RSPH6A: variants seen among roughly 807,000 people sequenced by gnomAD.
The protein encoded by RSPH6A is radial spoke head protein 6 homolog A.
A neutral mutation model predicts 66.1 loss-of-function variants in RSPH6A; 49 were observed. The observed-to-expected ratio is 0.74, with a 90% CI of 0.59 to 0.94. The LOEUF is 0.94. Among genes scored for constraint, RSPH6A ranks in the 40% least tolerant of loss-of-function variants. The pLI is 0.00. For synonymous variants in RSPH6A, 419 were observed against 402.4 expected, an observed-to-expected ratio of 1.04 and a Z score of -0.49; for missense variants, 977 against 948.3, an observed-to-expected ratio of 1.03 and a Z score of -0.40.
chr19:45,814,865 AGAGT>A lies in RSPH6A; in HGVS notation c.308_311del (p.Tyr103LeufsTer15). On this transcript the variant is annotated frameshift_variant, in exon 1 of 6. Coordinates refer to ENST00000221538, the MANE Select transcript of RSPH6A (RefSeq NM_030785.4). LOFTEE classifies it high-confidence loss of function. Reference sequence around the variant, plus strand: ...CGGCGACCTGCATCCTGCTTTCATCAGAGTAAGGCTGAGGCTGGAACTCTGAGGG... The same window carrying A: ...CGGCGACCTGCATCCTGCTTTCATCAAAGGCTGAGGCTGGAACTCTGAGGG... 1 of 1,614,116 alleles carries A rather than the reference AGAGT, an allele frequency of 6.2e-7. No individual in the cohort carries two copies. Among genetic ancestry groups the A allele is most frequent in the Non-Finnish European group, 8.5e-7 (1 of 1,180,026 alleles).
intron 4 of RSPH6A, 33 bp from the exon 5 acceptor site, chr19:45,800,596 G>A: frequency 6.4e-7 from 1 of 1,571,006 alleles, no homozygotes; most frequent in Non-Finnish European, 8.7e-7. Flanking sequence ...GGGGGCAGCA[G>A]GGTCAGGGAG....
At chr19:45,803,955 T>A (rs1970505537) in intron 3 of RSPH6A, among the ~76,000 whole-genome samples, 1 of 138,212 alleles carries the variant, frequency 7.2e-6, no homozygotes. Context: ...ATCGTACCAC[T>A]GCACTCCATC....
intron 2 of RSPH6A, among the ~76,000 whole-genome samples, chr19:45,809,792 C>A (rs1422332410): frequency 6.6e-6 from 1 of 152,132 alleles, no homozygotes; most frequent in Admixed American, 6.5e-5. Flanking sequence ...GGTGGCATTT[C>A]AAAGCAGTGG....
intron 3 of RSPH6A, among the ~76,000 whole-genome samples, chr19:45,802,858 G>A (rs567547240): frequency 2.0e-5 from 3 of 150,006 alleles, no homozygotes; most frequent in Non-Finnish European, 3.0e-5. Context: ...TGGCTCTGTC[G>A]CCCAGGCTGA....
intron 5 of RSPH6A, among the ~76,000 whole-genome samples, chr19:45,796,604 C>T (rs575552124): frequency 3.9e-5 from 6 of 152,038 alleles, no homozygotes; most frequent in Non-Finnish European, 4.4e-5. Flanking sequence ...AATCTGCCTC[C>T]TGGGTTCAAG....
At chr19:45,796,724 G>A (rs112668605) in intron 5 of RSPH6A, among the ~76,000 whole-genome samples, 3,265 of 151,262 alleles carry the variant, frequency 0.022, 112 homozygotes, top group African/African-American at 0.076. Context: ...TGTTAGCCAG[G>A]CTGGTCTCAA....
At position 45,804,037 on chromosome 19, in the gene RSPH6A, GAAGA is replaced by G. The variant is rs1348763565; in HGVS notation, c.1653+211_1653+214del. Reference sequence around the variant, plus strand: ...GAAAAGAAAAGAAAAAGAAAAAAAAGAAGAAAGAAAGAAAAGAAAAAAAAATGCC... The same window carrying G: ...GAAAAGAAAAGAAAAAGAAAAAAAAGAAGAAAGAAAAGAAAAAAAAATGCC... On this transcript the variant is annotated intron_variant, in intron 3 of 5. Coordinates refer to ENST00000221538, the MANE Select transcript of RSPH6A (RefSeq NM_030785.4). The surrounding 1 kb of genome is among the most constrained non-coding windows in gnomAD (Gnocchi z 5.8). Among the ~76,000 whole-genome samples, 30 of 150,826 alleles carry G rather than the reference GAAGA, an allele frequency of 2.0e-4. No homozygotes were observed. Among genetic ancestry groups the G allele is most frequent in the African/African-American group, 6.1e-4 (25 of 41,208 alleles).
At position 45,812,705 on chromosome 19, in the gene RSPH6A, GGTTT is replaced by G. The variant is rs1568602002; in HGVS notation, c.650+1818_650+1821del. Among the ~76,000 whole-genome samples, 8 of 151,872 alleles carry G rather than the reference GGTTT, an allele frequency of 5.3e-5. No individual in the cohort carries two copies. In the East Asian group the frequency reaches 1.2e-3, roughly 22 times the overall value. On this transcript the variant is annotated intron_variant, in intron 1 of 5. Transcript: ENST00000221538. ...AACCACGTAAGGCCTTTTGTTTGTTGGTTTGTTTGAGACAGAGTCTCGCTCTGTT... is the reference window on the plus strand; with the variant it reads ...AACCACGTAAGGCCTTTTGTTTGTTGGTTTGAGACAGAGTCTCGCTCTGTT...
chr19:45,814,338 G>A (rs998683311), intron 1 of RSPH6A, among the ~76,000 whole-genome samples, 189 bp downstream of exon 1: 1 of 152,226 alleles, frequency 6.6e-6, no homozygotes, highest in African/African-American at 2.4e-5. Context: ...AGGTGAGTGT[G>A]TGCAGTGCCA....
Position 45,815,280 on chromosome 19 carries a change from G to T in RSPH6A, c.-104C>A. ...CCGGTTTCTGAGCACCGAGAGAGGG[G>T]GCCGTTACCCGTGGAGGGCGCGGGG... On this transcript the variant is annotated 5_prime_UTR_variant, in exon 1 of 6. Transcript: ENST00000221538. 3 of 1,311,784 alleles carry T rather than the reference G, an allele frequency of 2.3e-6. No individual in the cohort carries two copies. Among genetic ancestry groups the T allele is most frequent in the Non-Finnish European group, 1.0e-6 (1 of 983,978 alleles). 81.3% of individuals were successfully genotyped at this position (1,311,784 alleles called of 1,614,324 possible).
At chr19:45,814,419 G>A in intron 1 of RSPH6A, 108 bp downstream of exon 1, 1 of 1,048,066 alleles carries the variant, frequency 9.5e-7, no homozygotes, top group Non-Finnish European at 1.3e-6. Context: ...AGAGTCACTG[G>A]TTTTCCATGA....
rs556822944 is a variant in RSPH6A at position 45,800,823 on chromosome 19, C to T, written c.1799-260G>A. 2.1e-3 allele frequency among the ~76,000 whole-genome samples: 307 copies of T among 148,654 alleles called. 4 individuals are homozygous for T. The highest frequency in any genetic ancestry group is 3.8e-3 in the Non-Finnish European group (257 of 67,354). On this transcript the variant is annotated intron_variant, in intron 4 of 5. Transcript: ENST00000221538. ...TTTTTTTTTTTTTTGGAGACAGAGTCTCGTCGCTTTGTCACTCAGGCTGCA... is the reference window on the plus strand; with the variant it reads ...TTTTTTTTTTTTTTGGAGACAGAGTTTCGTCGCTTTGTCACTCAGGCTGCA...
At chr19:45,812,247 C>A (rs1970639946) in intron 1 of RSPH6A, among the ~76,000 whole-genome samples, 1 of 151,624 alleles carries the variant, frequency 6.6e-6, no homozygotes, top group Admixed American at 6.6e-5. Context: ...TGCCAACATG[C>A]CTGGCTAATT....
chr19:45,805,192 T>G (rs1003592485), intron 2 of RSPH6A, among the ~76,000 whole-genome samples, 176 bp from the exon 3 acceptor site: 1 of 152,110 alleles, frequency 6.6e-6, no homozygotes, highest in African/African-American at 2.4e-5. Flanking sequence ...AGGTCAATAA[T>G]TCGAGTCCAG....
intron 5 of RSPH6A, among the ~76,000 whole-genome samples, chr19:45,799,830 C>A (rs1319323399): frequency 2.0e-5 from 3 of 152,072 alleles, no homozygotes; most frequent in East Asian, 1.9e-4. Context: ...GCAGATCACT[C>A]GAGGTCAGGA....
chr19:45,809,824 A>T (rs1242312451), intron 2 of RSPH6A, among the ~76,000 whole-genome samples: 1 of 152,216 alleles, frequency 6.6e-6, no homozygotes, highest in Non-Finnish European at 1.5e-5. Context: ...GGAATGGTTT[A>T]TTGCATAAAT....
intron 1 of RSPH6A, among the ~76,000 whole-genome samples, chr19:45,814,117 C>A (rs1326923977): frequency 6.6e-6 from 1 of 152,102 alleles, no homozygotes; most frequent in African/African-American, 2.4e-5. Flanking sequence ...CAAGACCACG[C>A]CACTGTGCTC....
intron 1 of RSPH6A, among the ~76,000 whole-genome samples, chr19:45,813,588 G>A (rs1034487984): frequency 1.3e-5 from 2 of 152,130 alleles, no homozygotes; most frequent in African/African-American, 2.4e-5. Context: ...CAGGTGATCC[G>A]CCCGTCTTGG....
chr19:45,810,478 A>G (rs1183595515), intron 2 of RSPH6A, 125 bp downstream of exon 2: 8 of 904,152 alleles, frequency 8.8e-6, no homozygotes, highest in Non-Finnish European at 1.4e-5. Context: ...CCAAGACTGA[A>G]GTTGTTTTGT....
Sources: gnomAD v4.1 joint callset for allele counts (sites outside exome capture counted in the v4.1 genomes callset) on GRCh38, gnomAD v4.1.1 for gene constraint, Gnocchi (gnomAD v3.1) non-coding constraint, MANE v1.5 for transcripts, NCBI Gene and HGNC (gene_info 2026-07-23, HGNC 2026-07-21) for gene names.